BRSK2: variants seen among roughly 807,000 people sequenced by gnomAD.
The protein encoded by BRSK2 is BR serine/threonine kinase 2.
Under a neutral mutation model 83.3 loss-of-function variants are expected in BRSK2, and 19 were observed. The observed-to-expected ratio is 0.23, with a 90% confidence interval of 0.16 to 0.33. BRSK2 has a LOEUF of 0.33. BRSK2 is among the 10% of genes least tolerant of loss of function. The pLI is 1.00. For synonymous variants in BRSK2, 519 were observed against 435.4 expected, an observed-to-expected ratio of 1.19 and a Z score of -2.39; for missense variants, 798 against 1,042.3, an observed-to-expected ratio of 0.77 and a Z score of 3.23.
Position 1,461,137 on chromosome 11 carries a change from G to T in BRSK2, c.*414G>T. 1 of 1,226,924 alleles carries T rather than the reference G, an allele frequency of 8.2e-7. No individual in the cohort carries two copies. Among genetic ancestry groups the T allele is most frequent in the South Asian group, 1.5e-5 (1 of 67,184 alleles). 76.0% of individuals were successfully genotyped at this position (1,226,924 alleles called of 1,614,324 possible). ...GCAGCTCCTCGCCTCAGCTCCGCACGGCCCGTGGGAGGAAGGCCAGGCTCG... is the reference window on the plus strand; with the variant it reads ...GCAGCTCCTCGCCTCAGCTCCGCACTGCCCGTGGGAGGAAGGCCAGGCTCG... On this transcript the variant is annotated 3_prime_UTR_variant, in exon 20 of 20. Coordinates refer to ENST00000528841, the MANE Select transcript of BRSK2 (RefSeq NM_001256627.2).
At chr11:1,449,863 C>G in intron 13 of BRSK2, 27 bp downstream of exon 13, 8 of 1,564,494 alleles carry the variant, frequency 5.1e-6, no homozygotes, top group Non-Finnish European at 7.0e-6. Context: ...CCCCACCCAG[C>G]TCGGATGCAC....
chr11:1,427,544 G>A (rs1427485810), intron 1 of BRSK2, among the ~76,000 whole-genome samples: 1 of 152,178 alleles, frequency 6.6e-6, no homozygotes, highest in Admixed American at 6.5e-5. Flanking sequence ...TCCCTGTGGG[G>A]GGCGCAGGGA....
At chr11:1,424,991 G>A (rs1849042218) in intron 1 of BRSK2, among the ~76,000 whole-genome samples, 1 of 152,222 alleles carries the variant, frequency 6.6e-6, no homozygotes, top group African/African-American at 2.4e-5. Flanking sequence ...GGGGTCAGTG[G>A]GATTGGCGCC....
rs761050387 is a variant in BRSK2, at chr11:1,451,737, G to C, written c.1544+318G>C. On this transcript the variant is annotated intron_variant, in intron 15 of 19. Transcript: ENST00000528841. Reference sequence around the variant, plus strand: ...CCTGAGCTCGCCAAGGGCAGAGACCGGGTCGCTCAGGTCTCAAGGAGAAAG... The same window carrying C: ...CCTGAGCTCGCCAAGGGCAGAGACCCGGTCGCTCAGGTCTCAAGGAGAAAG... Among the ~76,000 whole-genome samples the C allele has an allele frequency of 4.6e-5, 7 of 152,260 alleles. No individual in the cohort carries two copies. The East Asian group carries it at 1.4e-3, about 29-fold the overall frequency.
At chr11:1,451,339 C>A in intron 14 of BRSK2, 32 bp from the exon 15 acceptor site, 1 of 1,612,518 alleles carries the variant, frequency 6.2e-7, no homozygotes, top group East Asian at 2.2e-5. Flanking sequence ...GCGGTCACCA[C>A]GCCTTTCCTC....
chr11:1,395,542 C>T (rs546712595), intron 1 of BRSK2, among the ~76,000 whole-genome samples: 9 of 152,312 alleles, frequency 5.9e-5, no homozygotes, highest in African/African-American at 9.6e-5. Flanking sequence ...GACGGCAGTT[C>T]CCCTAGGCGG....
At chr11:1,399,907 A>ACGG (rs1846361235) in intron 1 of BRSK2, among the ~76,000 whole-genome samples, 1 of 42,636 alleles carries the variant, frequency 2.3e-5, no homozygotes, top group Non-Finnish European at 4.4e-5. Flanking sequence ...GTGTTTTCAC[A>ACGG]TAGCAGAGGA....
Position 1,459,219 on chromosome 11 carries a change from C to T in BRSK2, c.1967C>T (p.Thr656Met), listed in dbSNP as rs377345773. 85 of 1,613,724 alleles carry T rather than the reference C, an allele frequency of 5.3e-5. No homozygotes were observed. Among genetic ancestry groups the T allele is most frequent in the East Asian group, 3.3e-4 (15 of 44,896 alleles). The change falls in exon 19 of 20, where the codon ACG becomes ATG. Residue 656 changes from threonine (T) to methionine (M), a missense_variant. Coordinates refer to ENST00000528841, the MANE Select transcript of BRSK2 (RefSeq NM_001256627.2). ...ACCACTAACTGTATGGAAATGATGACGGGGCGGCTTTCCAAATGTGGTAAG... is the reference window on the plus strand; with the variant it reads ...ACCACTAACTGTATGGAAATGATGATGGGGCGGCTTTCCAAATGTGGTAAG... Reference protein sequence around the residue: ...SDTTNCMEMMTGRLSKCGSPL... With the variant: ...SDTTNCMEMMMGRLSKCGSPL...
Position 1,454,778 on chromosome 11 carries a change from G to A in BRSK2, c.1668+170G>A, listed in dbSNP as rs903130274. Reference sequence around the variant, plus strand: ...CTTCACTGGACAGGCGCTCTCTCCTGCCCACCCTCGTGAGGGAGGGGTCAC... The same window carrying A: ...CTTCACTGGACAGGCGCTCTCTCCTACCCACCCTCGTGAGGGAGGGGTCAC... On this transcript the variant is annotated intron_variant, in intron 16 of 19. Transcript: ENST00000528841. The surrounding 1 kb of genome is among the most constrained non-coding windows in gnomAD (Gnocchi z 5.2). Among the ~76,000 whole-genome samples, 1 of 152,184 alleles carries A rather than the reference G, an allele frequency of 6.6e-6. No individual in the cohort carries two copies. The highest frequency in any genetic ancestry group is 2.4e-5 in the African/African-American group (1 of 41,448).
rs1847569843 is a variant in BRSK2, at chr11:1,462,121, G to C, written c.*1398G>C. 1 of 152,206 alleles carries C rather than the reference G, an allele frequency of 6.6e-6. No individual in the cohort carries two copies. The highest frequency in any genetic ancestry group is 2.1e-4 in the South Asian group (1 of 4,836). 9.4% of individuals were successfully genotyped at this position (152,206 alleles called of 1,614,324 possible). A position where few individuals can be genotyped will look rare whatever the true frequency, so the allele number is the denominator to read the frequency against. Reference sequence around the variant, plus strand: ...GAAAAAATTGAAAAAAAAGGACAAAGAGTCGGTGGCGCTCCTCTGCAGGGC... The same window carrying C: ...GAAAAAATTGAAAAAAAAGGACAAACAGTCGGTGGCGCTCCTCTGCAGGGC... On this transcript the variant is annotated 3_prime_UTR_variant, in exon 20 of 20. Coordinates refer to ENST00000528841, the MANE Select transcript of BRSK2 (RefSeq NM_001256627.2).
intron 1 of BRSK2, among the ~76,000 whole-genome samples, chr11:1,426,917 C>T (rs1458536102): frequency 6.6e-6 from 1 of 152,120 alleles, no homozygotes; most frequent in African/African-American, 2.4e-5. Flanking sequence ...CCTGGGTCTG[C>T]ATGCGGGAGA....
At chr11:1,421,954 G>A (rs112734798) in intron 1 of BRSK2, among the ~76,000 whole-genome samples, 25,000 of 150,972 alleles carry the variant, frequency 0.17, 2,419 homozygotes, top group Non-Finnish European at 0.21. Flanking sequence ...CCGGGAGAGA[G>A]GGGGCAGGTG....
At chr11:1,449,723 G>C (rs1199221239) in intron 12 of BRSK2, 53 bp from the exon 13 acceptor site, 2 of 1,506,478 alleles carry the variant, frequency 1.3e-6, no homozygotes, top group Non-Finnish European at 9.2e-7. Context: ...CCCAGCACCT[G>C]CTGCTCCACT....
intron 12 of BRSK2, 147 bp from the exon 13 acceptor site, chr11:1,449,629 C>T: frequency 1.6e-6 from 1 of 638,048 alleles, no homozygotes; most frequent in Non-Finnish European, 2.6e-6. Flanking sequence ...CCTGAATTGA[C>T]AGGGTGTGCA....
rs990798831 is a variant in BRSK2, at chr11:1,460,955, C to T, written c.*232C>T. Reference sequence around the variant, plus strand: ...CTGTCTCTGACAGCATCGCTTGTTTCCACTCTGATACCAGGAATTATCCCG... The same window carrying T: ...CTGTCTCTGACAGCATCGCTTGTTTTCACTCTGATACCAGGAATTATCCCG... On this transcript the variant is annotated 3_prime_UTR_variant, in exon 20 of 20. Transcript: ENST00000528841. The T allele has an allele frequency of 1.2e-6, 2 of 1,612,338 alleles. No individual in the cohort carries two copies. The highest frequency in any genetic ancestry group is 2.7e-5 in the African/African-American group (2 of 74,908).
At chr11:1,453,085 G>A (rs144004061) in intron 15 of BRSK2, among the ~76,000 whole-genome samples, 1 of 152,196 alleles carries the variant, frequency 6.6e-6, no homozygotes, top group Non-Finnish European at 1.5e-5. Flanking sequence ...CAGGAAGACC[G>A]AACCTGGCGG....
At chr11:1,409,741 C>T (rs1048850557) in intron 1 of BRSK2, 13 of 151,944 alleles carry the variant, frequency 8.6e-5, no homozygotes, top group African/African-American at 2.4e-4. Flanking sequence ...CTGGCTGTCA[C>T]GTGTCAGTCG....
At chr11:1,445,190 G>T in intron 9 of BRSK2, 104 bp from the exon 10 acceptor site, 2 of 1,498,326 alleles carry the variant, frequency 1.3e-6, no homozygotes. Flanking sequence ...GGCACAGGGA[G>T]AGTGGCAGGA....
At chr11:1,441,021 C>T (rs368026662) in intron 4 of BRSK2, 93 bp downstream of exon 4, 2 of 1,109,382 alleles carry the variant, frequency 1.8e-6, no homozygotes, top group East Asian at 2.5e-5. Context: ...GGACTACACC[C>T]CCTATGGTGC....
Sources: gnomAD v4.1 joint callset for allele counts (sites outside exome capture counted in the v4.1 genomes callset) on GRCh38, gnomAD v4.1.1 for gene constraint, Gnocchi (gnomAD v3.1) non-coding constraint, MANE v1.5 for transcripts, NCBI Gene and HGNC (gene_info 2026-07-23, HGNC 2026-07-21) for gene names.